ENAH: variants seen among roughly 807,000 people sequenced by gnomAD.
The protein encoded by ENAH is ENAH actin regulator, also known as protein enabled homolog.
In ENAH, 23 loss-of-function variants were observed where a neutral mutation model predicts 78.7. The ratio of observed to expected loss-of-function variants is 0.29; its 90% confidence interval spans 0.21 to 0.41. ENAH has a LOEUF of 0.41. Among genes scored for constraint, ENAH ranks in the 10% least tolerant of loss-of-function variants. ENAH has a pLI of 1.00. For missense variants in ENAH, 544 were observed against 691.0 expected (o/e 0.79, Z 2.39); for synonymous variants, 226 against 241.0 (o/e 0.94, Z 0.58).
intron 1 of ENAH, among the ~76,000 whole-genome samples, chr1:225,586,169 G>A (rs375052647): frequency 1.1e-4 from 16 of 144,540 alleles, no homozygotes; most frequent in African/African-American, 1.8e-4. Flanking sequence ...CATAAGAATC[G>A]TTTGAACCCG....
At chr1:225,533,983 T>C (rs568678192) in intron 3 of ENAH, among the ~76,000 whole-genome samples, 2 of 152,240 alleles carry the variant, frequency 1.3e-5, no homozygotes, top group East Asian at 3.9e-4. Flanking sequence ...GAAATCTACT[T>C]TTTAACACAT....
At chr1:225,561,661 T>TAAAATA (rs550330495) in intron 2 of ENAH, among the ~76,000 whole-genome samples, 1,592 of 28,862 alleles carry the variant, frequency 0.055, 15 homozygotes, top group Non-Finnish European at 0.081. Flanking sequence ...AAAATAAAAT[T>TAAAATA]AGTATGTTCA....
At chr1:225,554,262 T>C (rs1451391820) in intron 3 of ENAH, among the ~76,000 whole-genome samples, 1 of 152,218 alleles carries the variant, frequency 6.6e-6, no homozygotes, top group Non-Finnish European at 1.5e-5. Flanking sequence ...GGTACATTTT[T>C]CTATTTTTTA....
rs182945743 is a variant in ENAH, at chr1:225,612,618, T to A, written c.5+40068A>T. The stretch of plus-strand genomic sequence containing the variant: ...CTGCATTTTCCCACAGCAAAAAAAA[T>A]TTTCAAAACAAAAATAATACTTAAT... On this transcript the variant is annotated intron_variant, in intron 1 of 13. Transcript: ENST00000366843. Among the ~76,000 whole-genome samples, 657 of 152,222 alleles carry A rather than the reference T, an allele frequency of 4.3e-3. 2 individuals carry two copies. The highest frequency in any genetic ancestry group is 7.3e-3 in the Non-Finnish European group (498 of 67,994).
chr1:225,650,347 A>G (rs1662731932), intron 1 of ENAH, among the ~76,000 whole-genome samples: 1 of 152,176 alleles, frequency 6.6e-6, no homozygotes, highest in Non-Finnish European at 1.5e-5. Flanking sequence ...CTCTCTCTAC[A>G]CTTCATAAGG....
At chr1:225,571,382 GA>G (rs918573133) in intron 1 of ENAH, among the ~76,000 whole-genome samples, 1 of 150,686 alleles carries the variant, frequency 6.6e-6, no homozygotes, top group African/African-American at 2.4e-5. Flanking sequence ...CAAAAAAAAA[GA>G]AAAAAAAGAA....
chr1:225,522,916 T>G (rs2096481255), intron 4 of ENAH, among the ~76,000 whole-genome samples: 1 of 152,206 alleles, frequency 6.6e-6, no homozygotes. Context: ...ATTTGTTACT[T>G]CTTCTATTTT....
At chr1:225,644,882 C>A (rs1051672071) in intron 1 of ENAH, among the ~76,000 whole-genome samples, 1 of 152,056 alleles carries the variant, frequency 6.6e-6, no homozygotes, top group Non-Finnish European at 1.5e-5. Context: ...GTAAACAAAC[C>A]CCAGAAAATC....
At chr1:225,541,454 A>C (rs1241253585) in intron 3 of ENAH, among the ~76,000 whole-genome samples, 1 of 152,064 alleles carries the variant, frequency 6.6e-6, no homozygotes, top group East Asian at 1.9e-4. Flanking sequence ...AAAAAAACCC[A>C]AAATGTTCTA....
chr1:225,519,511 T>C lies in ENAH; in HGVS notation c.489A>G (p.Arg163=), dbSNP rs1558745201. 5 of 1,612,202 alleles carry C rather than the reference T, an allele frequency of 3.1e-6. No homozygotes were observed. Among genetic ancestry groups the C allele is most frequent in the Non-Finnish European group, 3.4e-6 (4 of 1,179,292 alleles). Residue 163 remains arginine, a synonymous_variant, in exon 5 of 14, where the codon CGA becomes CGG. Transcript: ENST00000366843. ...CCAACCTTTCTCTTTCCATTCTTTC[T>C]CGCTCCAGCCTTTCCCGCTCCAGCT... ...QKELERERLE[R]ERMERERLER...
chr1:225,494,967 T>C lies in ENAH; in HGVS notation c.*2808A>G, dbSNP rs910101644. The stretch of plus-strand genomic sequence containing the variant: ...CACCTAAAAGCATGAGAATTCAACA[T>C]TCATTAGTGTTTCATCTTCAGTTTT... On this transcript the variant is annotated 3_prime_UTR_variant, in exon 14 of 14. Coordinates refer to ENST00000366843, the MANE Select transcript of ENAH (RefSeq NM_018212.6). 6.6e-6 allele frequency: 1 copy of C among 152,628 alleles called. No individual in the cohort carries two copies. The highest frequency in any genetic ancestry group is 6.5e-5 in the Admixed American group (1 of 15,280). 9.5% of individuals were successfully genotyped at this position (152,628 alleles called of 1,614,324 possible).
chr1:225,564,460 T>TA (rs2096724955), intron 2 of ENAH, among the ~76,000 whole-genome samples: 1 of 150,748 alleles, frequency 6.6e-6, no homozygotes, highest in East Asian at 1.9e-4. Flanking sequence ...GACTATTTTT[T>TA]TTTTTTTTTT....
At chr1:225,595,760 T>C (rs2096899125) in intron 1 of ENAH, among the ~76,000 whole-genome samples, 1 of 152,142 alleles carries the variant, frequency 6.6e-6, no homozygotes, top group Non-Finnish European at 1.5e-5. Flanking sequence ...ATTAAATGAA[T>C]TTCATCTAAC....
intron 2 of ENAH, among the ~76,000 whole-genome samples, chr1:225,559,836 A>C (rs1274482801): frequency 2.0e-5 from 3 of 151,984 alleles, no homozygotes; most frequent in Non-Finnish European, 4.4e-5. Context: ...ATCTCCCCCA[A>C]CTCACGCCTT....
intron 1 of ENAH, among the ~76,000 whole-genome samples, chr1:225,639,435 C>A (rs1019745286): frequency 6.6e-6 from 1 of 152,098 alleles, no homozygotes; most frequent in East Asian, 1.9e-4. Flanking sequence ...GGGCATTCCA[C>A]CCCCATCAAT....
intron 1 of ENAH, among the ~76,000 whole-genome samples, chr1:225,590,096 C>G (rs910831976): frequency 2.8e-5 from 4 of 145,406 alleles, no homozygotes; most frequent in African/African-American, 1.1e-4. Flanking sequence ...CACACACACA[C>G]ACACACACAC....
chr1:225,598,359 G>A (rs921932870), intron 1 of ENAH, among the ~76,000 whole-genome samples: 1 of 151,218 alleles, frequency 6.6e-6, no homozygotes, highest in Non-Finnish European at 1.5e-5. Context: ...GAGTAAAGGG[G>A]GAAAGCACAA....
At chr1:225,593,274 C>T (rs2096885884) in intron 1 of ENAH, among the ~76,000 whole-genome samples, 1 of 151,746 alleles carries the variant, frequency 6.6e-6, no homozygotes, top group South Asian at 2.1e-4. Context: ...ACTACACTGC[C>T]TATCTTAATA....
In ENAH at chr1:225,560,550, G is replaced by T. The variant is rs182101740; in HGVS notation, c.172-5467C>A. On this transcript the variant is annotated intron_variant, in intron 2 of 13. Transcript: ENST00000366843. ...GGCTGGAGTGCAGTGGCTATTCACAGGCACAATCATGGGACACGACAGTCT... is the reference window on the plus strand; with the variant it reads ...GGCTGGAGTGCAGTGGCTATTCACATGCACAATCATGGGACACGACAGTCT... Among the ~76,000 whole-genome samples the T allele has an allele frequency of 1.2e-4, 18 of 152,166 alleles. No homozygotes were observed. In the East Asian group the frequency reaches 3.1e-3, roughly 26 times the overall value.
Sources: allele counts gnomAD v4.1 joint callset (sites outside exome capture counted in the v4.1 genomes callset), GRCh38; gene constraint gnomAD v4.1.1; transcripts MANE v1.5; gene names NCBI Gene and HGNC (gene_info 2026-07-23, HGNC 2026-07-21).